MAML3: variants seen among roughly 807,000 people sequenced by gnomAD.
The protein encoded by MAML3 is mastermind like transcriptional coactivator 3, also known as mastermind-like protein 3.
In MAML3, 27 loss-of-function variants were observed where a neutral mutation model predicts 101.9. The observed-to-expected ratio is 0.27, with a 90% CI of 0.20 to 0.37. MAML3 has a LOEUF of 0.37. Among genes scored for constraint, MAML3 ranks in the 10% least tolerant of loss-of-function variants. MAML3 has a pLI of 1.00. For missense variants in MAML3, 1,316 were observed against 1,444.9 expected (o/e 0.91, Z 1.45); for synonymous variants, 501 against 555.9 (o/e 0.90, Z 1.39).
Position 139,720,018 on chromosome 4 carries a change from C to G in MAML3, c.2722G>C (p.Gly908Arg), listed in dbSNP as rs1256781461. The change falls in exon 5 of 5, where the codon GGG becomes CGG. Residue 908 changes from glycine to arginine, a missense_variant. Transcript: ENST00000509479. Reference protein sequence around the residue: ...QGPRQPASGQGVGMVSGFGQS... With the variant: ...QGPRQPASGQRVGMVSGFGQS... ...CCAAAGCCACTCACCATTCCAACCC[C>G]CTGCCCAGAGGCAGGTTGCCTCGGT... The G allele has an allele frequency of 6.2e-7, 1 of 1,613,982 alleles. No individual in the cohort carries two copies.
chr4:139,757,092 C>A (rs1246463638), intron 2 of MAML3, among the ~76,000 whole-genome samples: 1 of 152,112 alleles, frequency 6.6e-6, no homozygotes, highest in Non-Finnish European at 1.5e-5. Context: ...GATGTCTGAG[C>A]CAGGGGGATC....
intron 1 of MAML3, among the ~76,000 whole-genome samples, chr4:140,033,874 T>C (rs772880522): frequency 1.3e-5 from 2 of 152,234 alleles, no homozygotes. Flanking sequence ...TTTTAAAGTG[T>C]GCATTCTTAT....
intron 1 of MAML3, among the ~76,000 whole-genome samples, chr4:140,083,961 CACACACAGAGAGAGAGAGAG>C (rs1412545099): frequency 1.3e-3 from 46 of 36,160 alleles, no homozygotes; most frequent in African/African-American, 2.7e-3. Flanking sequence ...CACACACACA[CACACACAGAGAGAGAGAGAG>C]AGAGAGAGAG....
At chr4:140,144,701 C>T (rs975903008) in intron 1 of MAML3, among the ~76,000 whole-genome samples, 3 of 152,088 alleles carry the variant, frequency 2.0e-5, no homozygotes, top group Non-Finnish European at 2.9e-5. Context: ...AATATATATT[C>T]GAGTTTCAGC....
chr4:139,728,389 G>T lies in MAML3; in HGVS notation c.2331+2027C>A, dbSNP rs564183887. ...CGCTGACACCAGGGCCACGTGACAG[G>T]CCCCCACATACATGTGTGCAGCACA... On this transcript the variant is annotated intron_variant, in intron 3 of 4. Coordinates refer to ENST00000509479, the MANE Select transcript of MAML3 (RefSeq NM_018717.5). Among the ~76,000 whole-genome samples the T allele has an allele frequency of 2.0e-4, 30 of 152,298 alleles. 1 individual carries two copies. The highest frequency in any genetic ancestry group is 6.3e-4 in the African/African-American group (26 of 41,570).
At chr4:139,945,008 A>G (rs999139485) in intron 1 of MAML3, among the ~76,000 whole-genome samples, 1 of 152,066 alleles carries the variant, frequency 6.6e-6, no homozygotes, top group Non-Finnish European at 1.5e-5. Context: ...ACGTATGTTT[A>G]TTGCGGCATT....
At chr4:139,800,182 C>G (rs1042467353) in intron 2 of MAML3, among the ~76,000 whole-genome samples, 1 of 151,956 alleles carries the variant, frequency 6.6e-6, no homozygotes, top group Admixed American at 6.6e-5. Flanking sequence ...GTGCATCAAC[C>G]GAAGTAAATA....
rs1007530475 is a variant in MAML3, at chr4:139,761,392, G to T, written c.2080-30725C>A. On this transcript the variant is annotated intron_variant, in intron 2 of 4. Transcript: ENST00000509479. ...AGTGATCAAAGAGAGTCTGGAGGGG[G>T]CGTTAGGGGAATTGGAGAGGTTTTC... Among the ~76,000 whole-genome samples, 14 of 152,266 alleles carry T rather than the reference G, an allele frequency of 9.2e-5. No individual in the cohort carries two copies. The East Asian group carries it at 2.7e-3, about 29-fold the overall frequency.
In MAML3 at chr4:140,152,851, C is replaced by T; in HGVS notation, c.468+9G>A. ...GCGCGCCGCAAGCCCGCTGCCCGTG[C>T]GCCCTCACCATGATCAGCGTGTGGT... is the stretch of plus-strand genomic sequence containing the variant. On this transcript the variant is annotated intron_variant, in intron 1 of 4. Transcript: ENST00000509479. The T allele has an allele frequency of 1.2e-6, 2 of 1,604,546 alleles. No individual in the cohort carries two copies. Among genetic ancestry groups the T allele is most frequent in the South Asian group, 1.1e-5 (1 of 90,450 alleles).
At chr4:139,996,659 G>C (rs1377345301) in intron 1 of MAML3, among the ~76,000 whole-genome samples, 1 of 147,012 alleles carries the variant, frequency 6.8e-6, no homozygotes, top group African/African-American at 2.5e-5. Context: ...CAAAAGTAAC[G>C]TTTCTATGGA....
intron 2 of MAML3, among the ~76,000 whole-genome samples, chr4:139,777,024 A>G (rs1231367572): frequency 6.6e-6 from 1 of 152,134 alleles, no homozygotes; most frequent in African/African-American, 2.4e-5. Context: ...GACTGTATTC[A>G]AATATAGGAA....
At chr4:140,058,357 G>A (rs1323186663) in intron 1 of MAML3, among the ~76,000 whole-genome samples, 1 of 151,676 alleles carries the variant, frequency 6.6e-6, no homozygotes, top group Admixed American at 6.6e-5. Context: ...CTCCCAATGT[G>A]CTAGGATTAC....
intron 1 of MAML3, among the ~76,000 whole-genome samples, chr4:139,902,626 G>T (rs1381606159): frequency 6.6e-6 from 1 of 152,184 alleles, no homozygotes; most frequent in Non-Finnish European, 1.5e-5. Context: ...CCAGGCGGAG[G>T]TACACACCAC....
intron 1 of MAML3, among the ~76,000 whole-genome samples, chr4:139,898,085 T>C (rs17050989): frequency 0.057 from 8,717 of 152,264 alleles, 404 homozygotes; most frequent in African/African-American, 0.13. Flanking sequence ...CTCCTGATGT[T>C]GGTTAAGAGA....
At chr4:139,741,081 G>A (rs928607689) in intron 2 of MAML3, among the ~76,000 whole-genome samples, 6 of 152,128 alleles carry the variant, frequency 3.9e-5, no homozygotes, top group African/African-American at 9.7e-5. Context: ...CCCCACCCTC[G>A]GCCCCCATTC....
chr4:140,103,428 TGTTAG>T (rs1169079492), intron 1 of MAML3, among the ~76,000 whole-genome samples: 1 of 152,192 alleles, frequency 6.6e-6, no homozygotes, highest in Admixed American at 6.5e-5. Context: ...AGCAGAGAAA[TGTTAG>T]GTACATTTAA....
intron 2 of MAML3, among the ~76,000 whole-genome samples, chr4:139,880,189 A>G (rs1004215453): frequency 2.2e-5 from 3 of 137,870 alleles, no homozygotes; most frequent in African/African-American, 7.8e-5. Context: ...GAAAAAAAAA[A>G]AACAAACAAA....
chr4:140,011,233 C>CATATATATATAT lies in MAML3; in HGVS notation c.469-120278_469-120267dup, dbSNP rs70943468. Among the ~76,000 whole-genome samples, 949 of 119,888 alleles carry CATATATATATAT rather than the reference C, an allele frequency of 7.9e-3. 21 individuals are homozygous for CATATATATATAT. The highest frequency in any genetic ancestry group is 0.022 in the East Asian group (82 of 3,734). 78.7% of individuals were successfully genotyped at this position (119,888 alleles called of 152,430 possible). A position where few individuals can be genotyped will look rare whatever the true frequency, so the allele number is the denominator to read the frequency against. On this transcript the variant is annotated intron_variant, in intron 1 of 4. Coordinates refer to ENST00000509479, the MANE Select transcript of MAML3 (RefSeq NM_018717.5). ...TATTTTGTTATATATATAAAGTGTG[C>CATATATATATAT]ATATATATATATATATATATGACAA... is the stretch of plus-strand genomic sequence containing the variant.
intron 1 of MAML3, chr4:140,134,349 A>C (rs1728847108): frequency 2.2e-6 from 1 of 456,638 alleles, no homozygotes; most frequent in Admixed American, 2.3e-5. Context: ...AGTCAAGAAG[A>C]AAACAGAACC....
Sources: allele counts gnomAD v4.1 joint callset (sites outside exome capture counted in the v4.1 genomes callset), GRCh38; gene constraint gnomAD v4.1.1; transcripts MANE v1.5; gene names NCBI Gene and HGNC (gene_info 2026-07-23, HGNC 2026-07-21).